The following RAB11A variants were observed in gnomAD, a reference collection of about 807,000 sequenced individuals.
RAB11A encodes the protein RAB11A, member RAS oncogene family.
A neutral mutation model predicts 28.0 loss-of-function variants in RAB11A; 9 were observed. The ratio of observed to expected loss-of-function variants is 0.32; its 90% CI spans 0.19 to 0.56. RAB11A has a LOEUF of 0.56. Ranked by LOEUF, RAB11A falls within the 20% of genes least tolerant of loss-of-function variation. The pLI is 0.91. For missense variants in RAB11A, 108 were observed against 269.6 expected (o/e 0.40, Z 4.20); for synonymous variants, 85 against 88.2 (o/e 0.96, Z 0.20).
In RAB11A at chr15:65,890,980, G is replaced by A. The variant is rs1374407283; in HGVS notation, c.*3140G>A. On this transcript the variant is annotated 3_prime_UTR_variant, in exon 5 of 5. Transcript: ENST00000261890. ...GTTATGTATGACTTCCATTTGCTCT[G>A]TAAAAAAATGAACAAAGATTGTGAA... The A allele has an allele frequency of 6.6e-6, 1 of 152,182 alleles. No homozygotes were observed. Among genetic ancestry groups the A allele is most frequent in the East Asian group, 1.9e-4 (1 of 5,204 alleles). The allele number at this position is 152,182 out of a possible 1,614,324, so 9.4% of individuals were successfully genotyped here.
At chr15:65,870,607 A>C (rs2078154447) in intron 1 of RAB11A, among the ~76,000 whole-genome samples, 1 of 152,210 alleles carries the variant, frequency 6.6e-6, no homozygotes, top group Non-Finnish European at 1.5e-5. Context: ...TGCGCTGCAC[A>C]AATACTAGCT....
At chr15:65,879,502 A>T (rs1001905143) in intron 3 of RAB11A, among the ~76,000 whole-genome samples, 169 bp from the exon 4 acceptor site, 7 of 152,222 alleles carry the variant, frequency 4.6e-5, no homozygotes, top group Non-Finnish European at 8.8e-5. Flanking sequence ...AGAAGTAAAT[A>T]AAGTAAGTAA....
chr15:65,869,657 T>C, intron 1 of RAB11A, 32 bp downstream of exon 1: 1 of 1,598,260 alleles, frequency 6.3e-7, no homozygotes. Context: ...CTCTACACAG[T>C]CCTCGTTCGG....
At position 65,890,561 on chromosome 15, in the gene RAB11A, G is replaced by A. The variant is rs1251338431; in HGVS notation, c.*2721G>A. 6.6e-6 allele frequency: 1 copy of A among 152,206 alleles called. No individual in the cohort carries two copies. Among genetic ancestry groups the A allele is most frequent in the African/African-American group, 2.4e-5 (1 of 41,446 alleles). The allele number at this position is 152,206 out of a possible 1,614,324, so 9.4% of individuals were successfully genotyped here. A position where few individuals can be genotyped will look rare whatever the true frequency, so the allele number is the denominator to read the frequency against. On this transcript the variant is annotated 3_prime_UTR_variant, in exon 5 of 5. Coordinates refer to ENST00000261890, the MANE Select transcript of RAB11A (RefSeq NM_004663.5). Reference sequence around the variant, plus strand: ...TTACATCAGTGATCTTTTAAGTTCTGAAGGGTTCTGCAGAAAAGTTACACT... The same window carrying A: ...TTACATCAGTGATCTTTTAAGTTCTAAAGGGTTCTGCAGAAAAGTTACACT...
chr15:65,887,013 G>A (rs754209673), intron 4 of RAB11A, among the ~76,000 whole-genome samples: 7 of 152,036 alleles, frequency 4.6e-5, no homozygotes, highest in East Asian at 1.9e-4. Flanking sequence ...TGCCGAATGC[G>A]TCTGATAGTG....
At chr15:65,883,320 C>T (rs2141107269) in intron 4 of RAB11A, among the ~76,000 whole-genome samples, 1 of 152,282 alleles carries the variant, frequency 6.6e-6, no homozygotes, top group South Asian at 2.1e-4. Flanking sequence ...TGTTTATTGA[C>T]CTTGACATTT....
chr15:65,877,983 C>G lies in RAB11A; in HGVS notation c.430+28C>G. The G allele has an allele frequency of 1.3e-6, 2 of 1,579,152 alleles. No homozygotes were observed. Among genetic ancestry groups the G allele is most frequent in the Non-Finnish European group, 1.7e-6 (2 of 1,148,480 alleles). Reference sequence around the variant, plus strand: ...TAGTGATAGGAATTCCATGATATTTCTTACCATTGTGTCTTGTGGTTTTGA... The same window carrying G: ...TAGTGATAGGAATTCCATGATATTTGTTACCATTGTGTCTTGTGGTTTTGA... On this transcript the variant is annotated intron_variant, in intron 3 of 4. Coordinates refer to ENST00000261890, the MANE Select transcript of RAB11A (RefSeq NM_004663.5). This position sits in a 1 kb window ranked among gnomAD's most constrained non-coding sequence, Gnocchi z 4.1.
chr15:65,884,605 G>A (rs964117878), intron 4 of RAB11A, among the ~76,000 whole-genome samples: 1 of 152,054 alleles, frequency 6.6e-6, no homozygotes, highest in Non-Finnish European at 1.5e-5. Context: ...ACAGCATACT[G>A]TTTTTTAGAA....
At position 65,888,001 on chromosome 15, in the gene RAB11A, C is replaced by A; in HGVS notation, c.*161C>A. On this transcript the variant is annotated 3_prime_UTR_variant, in exon 5 of 5. Coordinates refer to ENST00000261890, the MANE Select transcript of RAB11A (RefSeq NM_004663.5). The stretch of plus-strand genomic sequence containing the variant: ...TTGATTTTAGCTTTATAAAATCATC[C>A]ACTTGTCCCGAATGACTGCAGCTTT... The A allele has an allele frequency of 2.7e-6, 2 of 734,480 alleles. No homozygotes were observed. The highest frequency in any genetic ancestry group is 3.3e-5 in the East Asian group (1 of 30,352). 45.5% of individuals were successfully genotyped at this position (734,480 alleles called of 1,614,324 possible).
intron 1 of RAB11A, among the ~76,000 whole-genome samples, chr15:65,873,388 CA>C (rs920852714): frequency 5.9e-5 from 9 of 152,206 alleles, no homozygotes; most frequent in Non-Finnish European, 1.3e-4. Context: ...AGTAATTAAC[CA>C]TCAGCTGATT....
In RAB11A at chr15:65,869,565, C is replaced by G. The variant is rs903362179; in HGVS notation, c.-21C>G. On this transcript the variant is annotated 5_prime_UTR_variant, in exon 1 of 5. Transcript: ENST00000261890. The stretch of plus-strand genomic sequence containing the variant: ...CACAGATACCACTGCTGCTCCCGCC[C>G]TTTCGCTCCTCGGCCGCGCAATGGG... The G allele has an allele frequency of 6.2e-7, 1 of 1,609,748 alleles. No homozygotes were observed.
At chr15:65,874,918 T>C (rs2078183072) in intron 1 of RAB11A, among the ~76,000 whole-genome samples, 2 of 152,166 alleles carry the variant, frequency 1.3e-5, no homozygotes, top group African/African-American at 4.8e-5. Context: ...CGTGTTGGCA[T>C]GTGCCTGTAG....
At chr15:65,880,203 C>G (rs142482617) in intron 4 of RAB11A, among the ~76,000 whole-genome samples, 78 of 152,170 alleles carry the variant, frequency 5.1e-4, no homozygotes, top group African/African-American at 1.9e-3. Flanking sequence ...GTATCCCTTG[C>G]GTATTCTATA....
chr15:65,872,764 A>G (rs557395696), intron 1 of RAB11A, among the ~76,000 whole-genome samples: 25 of 152,254 alleles, frequency 1.6e-4, no homozygotes, highest in African/African-American at 6.0e-4. Context: ...CTCTTACAGG[A>G]TATGAGTCAC....
intron 4 of RAB11A, among the ~76,000 whole-genome samples, chr15:65,884,890 T>C (rs1455741506): frequency 6.6e-6 from 1 of 151,734 alleles, no homozygotes; most frequent in African/African-American, 2.4e-5. Context: ...ACTAGATCTA[T>C]TTCCTTCTTT....
intron 3 of RAB11A, among the ~76,000 whole-genome samples, chr15:65,878,602 C>G (rs2078202919): frequency 6.6e-6 from 1 of 152,148 alleles, no homozygotes; most frequent in African/African-American, 2.4e-5. Context: ...TGGCGTGAAC[C>G]CGGGAGCAGA....
chr15:65,891,346 G>A lies in RAB11A; in HGVS notation c.*3506G>A, dbSNP rs969720829. On this transcript the variant is annotated 3_prime_UTR_variant, in exon 5 of 5. Transcript: ENST00000261890. ...TATCTATTCTCCTGAAAAGTGAATT[G>A]GAGAATAAAGAAAGAATATTTGAAA... is the stretch of plus-strand genomic sequence containing the variant. The A allele has an allele frequency of 6.6e-6, 1 of 152,220 alleles. No homozygotes were observed. Among genetic ancestry groups the A allele is most frequent in the African/African-American group, 2.4e-5 (1 of 41,454 alleles). 9.4% of individuals were successfully genotyped at this position (152,220 alleles called of 1,614,324 possible).
chr15:65,873,684 G>T (rs1353109757), intron 1 of RAB11A, among the ~76,000 whole-genome samples: 1 of 151,468 alleles, frequency 6.6e-6, no homozygotes, highest in Admixed American at 6.6e-5. Context: ...CTCCCAAGTA[G>T]CTGCAACTAC....
At chr15:65,882,123 T>G (rs2078226827) in intron 4 of RAB11A, among the ~76,000 whole-genome samples, 1 of 152,204 alleles carries the variant, frequency 6.6e-6, no homozygotes, top group African/African-American at 2.4e-5. Flanking sequence ...TTGTTACAGC[T>G]TAATTGTTGC....
Sources: allele counts gnomAD v4.1 joint callset (sites outside exome capture counted in the v4.1 genomes callset), GRCh38; gene constraint gnomAD v4.1.1; non-coding constraint Gnocchi (gnomAD v3.1); transcripts MANE v1.5; gene names NCBI Gene and HGNC (gene_info 2026-07-23, HGNC 2026-07-21).